Variants in TAF7L observed in about 807,000 individuals in gnomAD.
The protein encoded by TAF7L is TATA-box binding protein associated factor 7 like, also known as transcription initiation factor TFIID subunit 7-like.
Under a neutral mutation model 30.2 loss-of-function variants are expected in TAF7L, and 6 were observed. That is an observed-to-expected ratio of 0.20 (90% CI 0.11 to 0.39). The LOEUF (loss-of-function observed/expected upper bound fraction) is 0.39. Ranked by LOEUF, TAF7L falls within the 10% of genes least tolerant of loss-of-function variation. TAF7L has a pLI of 1.00. For missense variants in TAF7L, 284 were observed against 277.1 expected, an observed-to-expected ratio of 1.03 and a Z score of -0.18; for synonymous variants, 93 against 94.5, an observed-to-expected ratio of 0.98 and a Z score of 0.09.
At chrX:101,277,497 T>A (rs1364739472) in intron 9 of TAF7L, 109 bp downstream of exon 9, 2 of 413,585 alleles carry the variant, frequency 4.8e-6, no homozygotes. Context: ...CATCCTTTTT[T>A]TCTGGGTTTT....
At chrX:101,276,983 A>C (rs1252677483) in intron 9 of TAF7L, among the ~76,000 whole-genome samples, 1 of 105,944 alleles carries the variant, frequency 9.4e-6, no homozygotes, top group Non-Finnish European at 1.9e-5. Context: ...AAAAAAAAAA[A>C]AGAAAAGAAA....
chrX:101,280,061 AG>A (rs1924355411), intron 6 of TAF7L, among the ~76,000 whole-genome samples: 1 of 109,686 alleles, frequency 9.1e-6, no homozygotes, highest in African/African-American at 3.3e-5. Context: ...AAAAAAAAAA[AG>A]CAGGAGAAAA....
Position 101,291,291 on chromosome X carries a change from G to A in TAF7L, c.-70C>T, listed in dbSNP as rs1924789078. 3 of 754,398 alleles carry A rather than the reference G, an allele frequency of 4.0e-6. No homozygotes were observed. The highest frequency in any genetic ancestry group is 4.7e-6 in the Non-Finnish European group (3 of 639,202). The allele number at this position is 754,398 out of a possible 1,213,427, so 62.2% of individuals were successfully genotyped here. ...CCTGCGTCTCTGGTCTGTGGGTTCC[G>A]GACGAACCGCGCGTGGGCTCCCGCG... On this transcript the variant is annotated 5_prime_UTR_variant, in exon 1 of 13. Coordinates refer to ENST00000356784, the MANE Select transcript of TAF7L (RefSeq NM_001168474.2).
intron 3 of TAF7L, among the ~76,000 whole-genome samples, chrX:101,285,672 C>T (rs763879036): frequency 6.5e-5 from 7 of 107,923 alleles, no homozygotes; most frequent in Non-Finnish European, 1.1e-4. Flanking sequence ...AATTTGCATT[C>T]CCCTAATGAT....
chrX:101,273,273 TAATAATCA>T (rs2147367881), intron 12 of TAF7L, among the ~76,000 whole-genome samples: 1 of 111,610 alleles, frequency 9.0e-6, no homozygotes, highest in Non-Finnish European at 1.9e-5. Context: ...ATTCTCCAGA[TAATAATCA>T]GAGTAACCTT....
intron 3 of TAF7L, among the ~76,000 whole-genome samples, chrX:101,286,156 G>C (rs1924583492): frequency 9.6e-6 from 1 of 103,801 alleles, no homozygotes; most frequent in Non-Finnish European, 2.0e-5. Flanking sequence ...ACTCCAGCCT[G>C]GGCGACAGAG....
At position 101,276,071 on chromosome X, in the gene TAF7L, G is replaced by A; in HGVS notation, c.955C>T (p.Leu319Phe). The A allele has an allele frequency of 8.3e-7, 1 of 1,206,123 alleles. No homozygotes were observed. The highest frequency in any genetic ancestry group is 2.3e-4 in the Middle Eastern group (1 of 4,315). ...TGTGCTTTATTCTGAATCTTATGGA[G>A]CTTTTTCTCCTTTTTCTCAATCTGC... ...QKQIEKKEKK[L>F]HKIQNKAQRQ... The change falls in exon 11 of 13, where the codon CTC becomes TTC. Residue 319 changes from leucine (L) to phenylalanine (F), a missense_variant. Leu to Phe is a conservative substitution (Grantham distance 22). Transcript: ENST00000356784.
At chrX:101,276,671 C>A in intron 9 of TAF7L, 143 bp from the exon 10 acceptor site, 2 of 625,029 alleles carry the variant, frequency 3.2e-6, no homozygotes, top group Non-Finnish European at 4.9e-6. Context: ...AGATTATTCC[C>A]TTTATAAAAC....
Position 101,277,101 on chromosome X carries a change from G to A in TAF7L, c.691+505C>T, listed in dbSNP as rs747500826. Among the ~76,000 whole-genome samples the A allele has an allele frequency of 2.5e-3, 238 of 95,323 alleles. 1 individual carries two copies. The highest frequency in any genetic ancestry group is 3.6e-3 in the Non-Finnish European group (178 of 49,316). 82.8% of individuals were successfully genotyped at this position (95,323 alleles called of 115,157 possible). A position where few individuals can be genotyped will look rare whatever the true frequency, so the allele number is the denominator to read the frequency against. On this transcript the variant is annotated intron_variant, in intron 9 of 12. Transcript: ENST00000356784. Reference sequence around the variant, plus strand: ...TGGGAGGCAGAGGTTGCAGTGAGCCGAGATCGCACCACTACACTCCAGTTT... The same window carrying A: ...TGGGAGGCAGAGGTTGCAGTGAGCCAAGATCGCACCACTACACTCCAGTTT...
At chrX:101,273,177 A>T (rs1176099734) in intron 12 of TAF7L, among the ~76,000 whole-genome samples, 2 of 111,576 alleles carry the variant, frequency 1.8e-5, no homozygotes. Context: ...CTACTAACTT[A>T]GTCCAAGTTA....
Position 101,268,269 on chromosome X carries a change from AATTT to A in TAF7L, c.*920_*923del, listed in dbSNP as rs908581351. 1 of 111,958 alleles carries A rather than the reference AATTT, an allele frequency of 8.9e-6. No individual in the cohort carries two copies. The highest frequency in any genetic ancestry group is 2.8e-4 in the East Asian group (1 of 3,583). The allele number at this position is 111,958 out of a possible 1,213,427, so 9.2% of individuals were successfully genotyped here. A position where few individuals can be genotyped will look rare whatever the true frequency, so the allele number is the denominator to read the frequency against. ...TGACAACAATCCATTTAAAATGAAC[AATTT>A]ATTTATTGCTTAAAGAACATAGACC... On this transcript the variant is annotated 3_prime_UTR_variant, in exon 13 of 13. Coordinates refer to ENST00000356784, the MANE Select transcript of TAF7L (RefSeq NM_001168474.2).
At chrX:101,269,835 T>G (rs1923911687) in intron 12 of TAF7L, among the ~76,000 whole-genome samples, 1 of 111,900 alleles carries the variant, frequency 8.9e-6, no homozygotes, top group African/African-American at 3.2e-5. Context: ...TGAATAGGCT[T>G]TAAAAAAAAA....
At chrX:101,287,646 G>T in intron 1 of TAF7L, 101 bp from the exon 2 acceptor site, 1 of 572,333 alleles carries the variant, frequency 1.7e-6, no homozygotes, top group Non-Finnish European at 2.9e-6. Context: ...AATTATACAA[G>T]ATCTTGCCCA....
upstream of TAF7L, among the ~76,000 whole-genome samples, chrX:101,292,437 C>CA (rs145821944): frequency 0.031 from 1,114 of 35,632 alleles, 36 homozygotes; most frequent in African/African-American, 0.093. Context: ...GAAACTCCGT[C>CA]AAAAAAAAAA....
At chrX:101,279,979 CCTT>C (rs1924349226) in intron 6 of TAF7L, among the ~76,000 whole-genome samples, 1 of 108,267 alleles carries the variant, frequency 9.2e-6, no homozygotes, top group Non-Finnish European at 1.9e-5. Flanking sequence ...AAAAAAAAAA[CCTT>C]GAACTAAACC....
intron 12 of TAF7L, among the ~76,000 whole-genome samples, chrX:101,274,190 ATT>A (rs1305999570): frequency 9.2e-6 from 1 of 109,251 alleles, no homozygotes; most frequent in Non-Finnish European, 1.9e-5. Flanking sequence ...TCCAAATAAC[ATT>A]GTTAGTTCAA....
chrX:101,272,897 C>T (rs928601202), intron 12 of TAF7L, among the ~76,000 whole-genome samples: 2 of 110,490 alleles, frequency 1.8e-5, no homozygotes, highest in African/African-American at 6.6e-5. Context: ...ATCCTCCCAC[C>T]TCAGCCTCCC....
At chrX:101,291,374 C>G (rs897416544), upstream of TAF7L, 34 of 618,722 alleles carry the variant, frequency 5.5e-5, no homozygotes, top group Non-Finnish European at 6.4e-5. Context: ...GCGGCGCGCG[C>G]CGGCCCCTCC....
In TAF7L at chrX:101,283,552, T is replaced by A. The variant is rs951905480; in HGVS notation, c.177A>T (p.Glu59Asp). 7.4e-6 allele frequency: 9 copies of A among 1,210,265 alleles called. No homozygotes were observed. In the African/African-American group the frequency reaches 1.0e-4, roughly 14 times the overall value. The change falls in exon 4 of 13, where the codon GAA becomes GAT. Residue 59 changes from glutamate to aspartate, a missense_variant. Physicochemically the swap from Glu to Asp is conservative, Grantham distance 45. Transcript: ENST00000356784. ...CCAGCTTAGCAGCTAGTGGGACATCTTCTACTTCAACAACTGCATGGCGCC... is the reference window on the plus strand; with the variant it reads ...CCAGCTTAGCAGCTAGTGGGACATCATCTACTTCAACAACTGCATGGCGCC... ...PDGRHAVVEVEDVPLAAKLVD... is the reference protein window; with the variant it reads ...PDGRHAVVEVDDVPLAAKLVD...
Sources: gnomAD v4.1 joint callset for allele counts (sites outside exome capture counted in the v4.1 genomes callset) on GRCh38, gnomAD v4.1.1 for gene constraint, MANE v1.5 for transcripts, NCBI Gene and HGNC (gene_info 2026-07-23, HGNC 2026-07-21) for gene names.